The following CAMSAP2 variants were observed in gnomAD, a reference collection of about 807,000 sequenced individuals.
CAMSAP2 encodes the protein calmodulin regulated spectrin associated protein family member 2.
Under a neutral mutation model 146.1 loss-of-function variants are expected in CAMSAP2, and 26 were observed. That is an observed-to-expected ratio of 0.18 (90% CI 0.13 to 0.25). The LOEUF (loss-of-function observed/expected upper bound fraction) is 0.25. Ranked by LOEUF, CAMSAP2 falls within the 10% of genes least tolerant of loss-of-function variation. The probability of loss-of-function intolerance (pLI) is 1.00; values close to 1 mark genes in which losing one functional copy is unlikely to be tolerated. For missense variants in CAMSAP2, 1,381 were observed against 1,759.3 expected (o/e 0.78, Z 3.85); for synonymous variants, 499 against 596.6 (o/e 0.84, Z 2.38).
chr1:200,817,121 T>C (rs1666587476), intron 4 of CAMSAP2, among the ~76,000 whole-genome samples: 1 of 143,478 alleles, frequency 7.0e-6, no homozygotes, highest in Non-Finnish European at 1.6e-5. Flanking sequence ...TGTGTGTATA[T>C]ACACGTATAT....
At chr1:200,815,432 T>G in intron 3 of CAMSAP2, 129 bp from the exon 4 acceptor site, 1 of 438,616 alleles carries the variant, frequency 2.3e-6, no homozygotes. Context: ...TTTCTTTATT[T>G]GAGTGAGACT....
chr1:200,831,744 A>G (rs758290787), intron 4 of CAMSAP2, among the ~76,000 whole-genome samples: 4 of 152,016 alleles, frequency 2.6e-5, no homozygotes, highest in Non-Finnish European at 5.9e-5. Flanking sequence ...TCTTTTAAGA[A>G]TAGTATATTC....
chr1:200,750,431 C>G (rs1276082981), intron 1 of CAMSAP2, among the ~76,000 whole-genome samples: 2 of 152,032 alleles, frequency 1.3e-5, no homozygotes, highest in Non-Finnish European at 1.5e-5. Flanking sequence ...AGTTTTGTAG[C>G]TTTTTCAACA....
chr1:200,855,896 T>C, intron 14 of CAMSAP2, 114 bp from the exon 15 acceptor site: 1 of 695,774 alleles, frequency 1.4e-6, no homozygotes, highest in Non-Finnish European at 2.5e-6. Context: ...CGCCCGGCCT[T>C]ATCATATTAT....
At chr1:200,772,604 G>A (rs1571738165) in intron 2 of CAMSAP2, among the ~76,000 whole-genome samples, 1 of 152,146 alleles carries the variant, frequency 6.6e-6, no homozygotes, top group East Asian at 1.9e-4. Flanking sequence ...GGGAGACTAT[G>A]TCTCAAAAAA....
intron 1 of CAMSAP2, among the ~76,000 whole-genome samples, chr1:200,748,747 A>C (rs1476845261): frequency 1.3e-5 from 2 of 148,640 alleles, no homozygotes; most frequent in Non-Finnish European, 3.0e-5. Flanking sequence ...GATTGATTGC[A>C]TTCAGGTTTG....
chr1:200,747,807 G>A (rs1212010584), intron 1 of CAMSAP2, among the ~76,000 whole-genome samples: 6 of 152,000 alleles, frequency 3.9e-5, no homozygotes, highest in African/African-American at 1.4e-4. Flanking sequence ...TCAGGAGATC[G>A]AGACCATCCC....
At chr1:200,810,588 A>T (rs988533041) in intron 3 of CAMSAP2, among the ~76,000 whole-genome samples, 34 of 151,786 alleles carry the variant, frequency 2.2e-4, no homozygotes, top group Non-Finnish European at 3.8e-4. Context: ...AAAAAAAAAA[A>T]AAAGAATACA....
At chr1:200,770,340 C>T (rs146586406) in intron 2 of CAMSAP2, among the ~76,000 whole-genome samples, 2 of 152,262 alleles carry the variant, frequency 1.3e-5, no homozygotes, top group East Asian at 3.9e-4. Flanking sequence ...AAACTTGCAT[C>T]TGCTGATTCC....
chr1:200,847,786 A>G, intron 10 of CAMSAP2, 77 bp downstream of exon 10: 1 of 1,258,626 alleles, frequency 7.9e-7, no homozygotes, highest in Admixed American at 2.0e-5. Flanking sequence ...TCTTTTATTG[A>G]TAACCAAATT....
Position 200,760,841 on chromosome 1 carries a change from A to T in CAMSAP2, c.142A>T (p.Asn48Tyr). ...WLVAKAFGTENVPEELQEPFY... is the reference protein window; with the variant it reads ...WLVAKAFGTEYVPEELQEPFY... ...ATTTTTTCCATTAATCTTTATAGAA[A>T]ATGTGCCAGAGGAACTTCAAGAACC... Residue 48 changes from asparagine (N) to tyrosine (Y), a missense_variant and splice_region_variant, in exon 2 of 17, where the codon AAT (asparagine) becomes TAT (tyrosine). Physicochemically the swap from Asn to Tyr is moderately radical, Grantham distance 143. This residue lies in a region of CAMSAP2 where 284 missense variants were observed against 406.9 expected (regional missense o/e 0.70). Coordinates refer to ENST00000358823, the MANE Select transcript of CAMSAP2 (RefSeq NM_203459.4). 1 of 1,562,620 alleles carries T rather than the reference A, an allele frequency of 6.4e-7. No individual in the cohort carries two copies. The highest frequency in any genetic ancestry group is 8.7e-7 in the Non-Finnish European group (1 of 1,148,838).
intron 4 of CAMSAP2, among the ~76,000 whole-genome samples, chr1:200,824,332 A>G (rs1228724738): frequency 6.6e-6 from 1 of 151,680 alleles, no homozygotes; most frequent in African/African-American, 2.4e-5. Context: ...AAAATCAGCC[A>G]TTTCTTCAGT....
Position 200,832,171 on chromosome 1 carries a change from T to C in CAMSAP2, c.646-29T>C. The C allele has an allele frequency of 6.4e-7, 1 of 1,570,336 alleles. No individual in the cohort carries two copies. Among genetic ancestry groups the C allele is most frequent in the Non-Finnish European group, 8.6e-7 (1 of 1,160,552 alleles). On this transcript the variant is annotated intron_variant, in intron 4 of 16. Transcript: ENST00000358823. This position sits in a 1 kb window ranked among gnomAD's most constrained non-coding sequence, Gnocchi z 4.2. ...TCCTATGCGTTATTTGGTACTTATT[T>C]ATTTTCATGTATTTTTTTTATATCG...
At chr1:200,803,325 A>G (rs773063447) in intron 2 of CAMSAP2, among the ~76,000 whole-genome samples, 1 of 152,236 alleles carries the variant, frequency 6.6e-6, no homozygotes, top group Non-Finnish European at 1.5e-5. Flanking sequence ...TCATTAAATT[A>G]ATACAAATGC....
chr1:200,758,554 A>T (rs530422681), intron 1 of CAMSAP2, among the ~76,000 whole-genome samples: 1 of 152,366 alleles, frequency 6.6e-6, no homozygotes, highest in Admixed American at 6.5e-5. Flanking sequence ...TTATTAAATG[A>T]GGATGATATT....
At chr1:200,745,355 A>G (rs190229297) in intron 1 of CAMSAP2, among the ~76,000 whole-genome samples, 15 of 152,286 alleles carry the variant, frequency 9.8e-5, no homozygotes, top group Non-Finnish European at 2.1e-4. Context: ...TCACTGCTAT[A>G]AATATTATAA....
intron 2 of CAMSAP2, among the ~76,000 whole-genome samples, chr1:200,769,756 G>A (rs139558516): frequency 6.6e-6 from 1 of 152,220 alleles, no homozygotes; most frequent in African/African-American, 2.4e-5. Context: ...ACCTCACTGT[G>A]CTTAGCTGTC....
intron 4 of CAMSAP2, among the ~76,000 whole-genome samples, chr1:200,820,659 T>G (rs1666733434): frequency 6.6e-6 from 1 of 152,194 alleles, no homozygotes; most frequent in African/African-American, 2.4e-5. Flanking sequence ...ACCCACTTTT[T>G]TCTCCCTCAA....
intron 7 of CAMSAP2, among the ~76,000 whole-genome samples, chr1:200,842,463 T>C (rs1398335039): frequency 6.6e-6 from 1 of 152,212 alleles, no homozygotes; most frequent in African/African-American, 2.4e-5. Context: ...GCCATTAAAC[T>C]ATAAAAAGGT....
Sources: allele counts gnomAD v4.1 joint callset (sites outside exome capture counted in the v4.1 genomes callset), GRCh38; gene constraint gnomAD v4.1.1; regional missense constraint gnomAD v4.1.1; non-coding constraint Gnocchi (gnomAD v3.1); transcripts MANE v1.5; gene names NCBI Gene and HGNC (gene_info 2026-07-23, HGNC 2026-07-21).